The following CROT variants were observed in gnomAD, a reference collection of about 807,000 sequenced individuals.
CROT encodes the protein carnitine O-octanoyltransferase, also known as peroxisomal carnitine O-octanoyltransferase.
CROT carries 84 observed loss-of-function variants against 89.2 expected under a neutral mutation model. That is an observed-to-expected ratio of 0.94 (90% CI 0.79 to 1.13). The LOEUF is 1.13. Among genes scored for constraint, CROT ranks in the 50% most tolerant of loss-of-function variants. The pLI is 0.00. For missense variants in CROT, 711 were observed against 727.8 expected, an observed-to-expected ratio of 0.98 and a Z score of 0.27; for synonymous variants, 212 against 239.5, an observed-to-expected ratio of 0.89 and a Z score of 1.06.
rs767818087 is a variant in CROT at position 87,391,585 on chromosome 7, G to A, written c.1302-4G>A. The A allele has an allele frequency of 1.8e-5, 29 of 1,583,754 alleles. No homozygotes were observed. The highest frequency in any genetic ancestry group is 2.5e-5 in the Non-Finnish European group (29 of 1,171,332). The stretch of plus-strand genomic sequence containing the variant: ...TGATACACTCTTTTAATTTTTTCTT[G>A]TAGCCCTGGTTGTTGCTATGAAACA... On this transcript the variant is annotated splice_region_variant and splice_polypyrimidine_tract_variant and intron_variant, in intron 13 of 17. Coordinates refer to ENST00000331536, the MANE Select transcript of CROT (RefSeq NM_021151.4).
At chr7:87,390,700 T>TC (rs1235753595) in intron 13 of CROT, among the ~76,000 whole-genome samples, 1 of 152,192 alleles carries the variant, frequency 6.6e-6, no homozygotes, top group African/African-American at 2.4e-5. Flanking sequence ...AAAACAGATA[T>TC]CACCCTGGGG....
chr7:87,390,410 C>A (rs1019915576), intron 13 of CROT, among the ~76,000 whole-genome samples: 1 of 152,074 alleles, frequency 6.6e-6, no homozygotes, highest in African/African-American at 2.4e-5. Context: ...ATTTTTACTG[C>A]TTTTATTTTT....
intron 4 of CROT, chr7:87,359,802 T>C (rs575225164): frequency 2.3e-5 from 23 of 983,548 alleles, no homozygotes; most frequent in African/African-American, 3.5e-5. Flanking sequence ...GTTAGATAAA[T>C]TGAGGAAGCT....
At chr7:87,384,261 A>G (rs143872576) in intron 13 of CROT, among the ~76,000 whole-genome samples, 7 of 152,038 alleles carry the variant, frequency 4.6e-5, no homozygotes, top group South Asian at 4.1e-4. Context: ...CACTGGGCGC[A>G]TGGCTCACAC....
chr7:87,398,922 T>C lies in CROT; in HGVS notation c.*278T>C. 1 of 316,198 alleles carries C rather than the reference T, an allele frequency of 3.2e-6. No individual in the cohort carries two copies. Among genetic ancestry groups the C allele is most frequent in the East Asian group, 7.0e-5 (1 of 14,284 alleles). The allele number at this position is 316,198 out of a possible 1,614,324, so 19.6% of individuals were successfully genotyped here. A position where few individuals can be genotyped will look rare whatever the true frequency, so the allele number is the denominator to read the frequency against. On this transcript the variant is annotated 3_prime_UTR_variant, in exon 18 of 18. Transcript: ENST00000331536. The stretch of plus-strand genomic sequence containing the variant: ...AGTATTTAAGCCTCAACAATCCAAA[T>C]CTACAAACTTTAACAATGCAAGTCT...
rs1195952790 is a variant in CROT, at chr7:87,361,466, C to T, written c.317C>T (p.Pro106Leu). 3 of 1,613,842 alleles carry T rather than the reference C, an allele frequency of 1.9e-6. No homozygotes were observed. The highest frequency in any genetic ancestry group is 2.5e-6 in the Non-Finnish European group (3 of 1,179,958). ...PSQLNVNFAGPAAHFEHYWPP... is the reference protein window; with the variant it reads ...PSQLNVNFAGLAAHFEHYWPP... ...CAATTGAATGTCAACTTTGCGGGTC[C>T]TGCAGCTCATTTTGAACACTACTGG... The change falls in exon 5 of 18, where the codon CCT becomes CTT. Residue 106 changes from proline to leucine, a missense_variant. Physicochemically the swap from Pro to Leu is moderately conservative, Grantham distance 98. Transcript: ENST00000331536.
Position 87,397,441 on chromosome 7 carries a change from T to C in CROT, c.1719-1083T>C, listed in dbSNP as rs1228023946. Among the ~76,000 whole-genome samples the C allele has an allele frequency of 3.3e-5, 5 of 152,368 alleles. No individual in the cohort carries two copies. In the East Asian group the frequency reaches 9.6e-4, roughly 29 times the overall value. On this transcript the variant is annotated intron_variant, in intron 17 of 17. Transcript: ENST00000331536. ...GAAGTAAAACATGTTTTCATTGTTT[T>C]TGGCATTGTGTTTCTTTCATGAATT...
intron 13 of CROT, among the ~76,000 whole-genome samples, chr7:87,389,922 T>C (rs532022430): frequency 6.6e-6 from 1 of 152,306 alleles, no homozygotes; most frequent in African/African-American, 2.4e-5. Context: ...ATAGAAGATA[T>C]GTTCAAATCA....
At chr7:87,387,182 T>C (rs556078464) in intron 13 of CROT, among the ~76,000 whole-genome samples, 9 of 152,102 alleles carry the variant, frequency 5.9e-5, no homozygotes, top group African/African-American at 2.2e-4. Context: ...AGATAGTTGT[T>C]TTGGTTTTCT....
intron 3 of CROT, among the ~76,000 whole-genome samples, chr7:87,353,212 A>G (rs1435111270): frequency 6.6e-6 from 1 of 151,926 alleles, no homozygotes; most frequent in African/African-American, 2.4e-5. Flanking sequence ...CATTGGTGCA[A>G]TCTCAGCTCA....
chr7:87,352,922 G>C (rs991676494), intron 3 of CROT, among the ~76,000 whole-genome samples: 1 of 152,130 alleles, frequency 6.6e-6, no homozygotes, highest in Admixed American at 6.5e-5. Flanking sequence ...CTGTCTGTAG[G>C]TCTCATGAAA....
chr7:87,361,416 C>T lies in CROT; in HGVS notation c.267C>T (p.Ala89=). ...NWLEEWWLNV[A]YLDVRIPSQL... is the part of the protein sequence containing the mutation. ...TGGAAGAGTGGTGGCTGAATGTTGCCTATCTGGATGTTCGTATACCATCAC... is the reference window on the plus strand; with the variant it reads ...TGGAAGAGTGGTGGCTGAATGTTGCTTATCTGGATGTTCGTATACCATCAC... Residue 89 remains alanine (A), a synonymous_variant, in exon 5 of 18, where the codon GCC becomes GCT. Transcript: ENST00000331536. 2.5e-6 allele frequency: 4 copies of T among 1,613,126 alleles called. No individual in the cohort carries two copies. The highest frequency in any genetic ancestry group is 3.4e-6 in the Non-Finnish European group (4 of 1,179,826).
chr7:87,381,070 G>C (rs186254814), intron 10 of CROT, among the ~76,000 whole-genome samples: 1 of 152,108 alleles, frequency 6.6e-6, no homozygotes, highest in Non-Finnish European at 1.5e-5. Context: ...ATAGTGTTAG[G>C]GTGACATTTA....
At chr7:87,346,738 T>A (rs574840234) in intron 2 of CROT, among the ~76,000 whole-genome samples, 298 of 152,350 alleles carry the variant, frequency 2.0e-3, no homozygotes, top group African/African-American at 6.8e-3. Context: ...GTAAACAGAA[T>A]AGCTTATCTT....
chr7:87,383,267 C>T (rs116531731), intron 13 of CROT, among the ~76,000 whole-genome samples: 3 of 152,100 alleles, frequency 2.0e-5, no homozygotes, highest in African/African-American at 7.2e-5. Context: ...TCCTCTCCCC[C>T]CTACTCATCC....
Position 87,356,787 on chromosome 7 carries a change from C to G in CROT, c.116-2419C>G, listed in dbSNP as rs531075961. Among the ~76,000 whole-genome samples the G allele has an allele frequency of 2.0e-5, 3 of 152,216 alleles. No individual in the cohort carries two copies. The East Asian group carries it at 5.8e-4, about 29-fold the overall frequency. On this transcript the variant is annotated intron_variant, in intron 3 of 17. Transcript: ENST00000331536. ...TCTGTAATCCCAGTACTTTGGGAGG[C>G]CAAAGTGGGCAGATCACCTGAGGTC...
chr7:87,379,854 C>T (rs1806935563), intron 10 of CROT, among the ~76,000 whole-genome samples: 1 of 152,138 alleles, frequency 6.6e-6, no homozygotes, highest in East Asian at 1.9e-4. Flanking sequence ...GAGCTCATGC[C>T]TATAATCCCA....
chr7:87,375,333 T>G (rs1211012088), intron 7 of CROT: 6 of 260,974 alleles, frequency 2.3e-5, no homozygotes, highest in Non-Finnish European at 4.4e-5. Flanking sequence ...AAAAAGGATA[T>G]TTACTTGCAA....
chr7:87,376,029 T>G, intron 9 of CROT, 76 bp downstream of exon 9: 2 of 1,411,460 alleles, frequency 1.4e-6, no homozygotes, highest in South Asian at 3.0e-5. Context: ...CATGGAAGTT[T>G]TTTTTCTTTT....
Sources: allele counts gnomAD v4.1 joint callset (sites outside exome capture counted in the v4.1 genomes callset), GRCh38; gene constraint gnomAD v4.1.1; transcripts MANE v1.5; gene names NCBI Gene and HGNC (gene_info 2026-07-23, HGNC 2026-07-21).